Variants in CFAP77 observed in about 807,000 individuals in gnomAD.
The protein encoded by CFAP77 is cilia- and flagella-associated protein 77.
Under a neutral mutation model 31.1 loss-of-function variants are expected in CFAP77, and 25 were observed. That is an observed-to-expected ratio of 0.80 (90% CI 0.59 to 1.12). CFAP77 has a LOEUF of 1.12. CFAP77 is among the 50% of genes most tolerant of loss of function. The probability of loss-of-function intolerance (pLI) is 0.00; values close to 1 mark genes in which losing one functional copy is unlikely to be tolerated. For synonymous variants in CFAP77, 151 were observed against 159.9 expected (o/e 0.94, Z 0.42); for missense variants, 377 against 397.3 (o/e 0.95, Z 0.44).
chr9:132,459,319 C>G (rs1021375050), intron 1 of CFAP77, among the ~76,000 whole-genome samples: 1 of 152,114 alleles, frequency 6.6e-6, no homozygotes, highest in African/African-American at 2.4e-5. Context: ...GATCTGCCCG[C>G]CTTGGTCTCC....
rs1850891944 is a variant in CFAP77 at position 132,455,240 on chromosome 9, C to T, written c.196-43455C>T. ...AAGTGGAACTGGCTGGGTGCTGTGG[C>T]TTACACCTGTAATCCCAGCACTTTG... On this transcript the variant is annotated intron_variant, in intron 1 of 5. Coordinates refer to ENST00000393216, the MANE Select transcript of CFAP77 (RefSeq NM_001282957.2). The surrounding 1 kb of genome is among the most constrained non-coding windows in gnomAD (Gnocchi z 4.1). 6.6e-6 allele frequency among the ~76,000 whole-genome samples: 1 copy of T among 152,144 alleles called. No individual in the cohort carries two copies. The highest frequency in any genetic ancestry group is 2.4e-5 in the African/African-American group (1 of 41,432).
rs542004781 is a variant in CFAP77, at chr9:132,420,451, G to A, written c.195+9985G>A. Among the ~76,000 whole-genome samples, 806 of 150,956 alleles carry A rather than the reference G, an allele frequency of 5.3e-3. 7 individuals carry two copies. The highest frequency in any genetic ancestry group is 0.019 in the African/African-American group (781 of 40,938). ...GCGGATCACTTGAGGCCAGGAGTTC[G>A]AGACCAGCCTGGCCAACATGGTAAA... On this transcript the variant is annotated intron_variant, in intron 1 of 5. Transcript: ENST00000393216.
In CFAP77 at chr9:132,539,604, A is replaced by C. The variant is rs1852604701; in HGVS notation, c.630+1898A>C. On this transcript the variant is annotated intron_variant, in intron 4 of 5. Coordinates refer to ENST00000393216, the MANE Select transcript of CFAP77 (RefSeq NM_001282957.2). The surrounding 1 kb of genome is among the most constrained non-coding windows in gnomAD (Gnocchi z 4.3). ...GTTCTAGGGCCAACCAGGGGATCGG[A>C]GGAGTCTTTCTCGAAATCCTGGTAC... Among the ~76,000 whole-genome samples, 1 of 152,076 alleles carries C rather than the reference A, an allele frequency of 6.6e-6. No homozygotes were observed.
At chr9:132,435,299 C>T (rs1421974290) in intron 1 of CFAP77, among the ~76,000 whole-genome samples, 1 of 152,154 alleles carries the variant, frequency 6.6e-6, no homozygotes, top group Non-Finnish European at 1.5e-5. Context: ...TATTTATTTA[C>T]TGAATGTTGT....
Position 132,484,641 on chromosome 9 carries a change from C to T in CFAP77, c.196-14054C>T, listed in dbSNP as rs76657330. On this transcript the variant is annotated intron_variant, in intron 1 of 5. Transcript: ENST00000393216. Reference sequence around the variant, plus strand: ...GGCTTGGCTTATTCATTCATCAGGACGTGGTGTGGTTTCTGTCTGTTGGCT... The same window carrying T: ...GGCTTGGCTTATTCATTCATCAGGATGTGGTGTGGTTTCTGTCTGTTGGCT... Among the ~76,000 whole-genome samples, 631 of 152,112 alleles carry T rather than the reference C, an allele frequency of 4.1e-3. 7 individuals carry two copies. The highest frequency in any genetic ancestry group is 0.014 in the African/African-American group (584 of 41,490).
At chr9:132,559,324 G>A (rs1210272099) in intron 5 of CFAP77, among the ~76,000 whole-genome samples, 4 of 110,462 alleles carry the variant, frequency 3.6e-5, no homozygotes, top group Admixed American at 9.7e-5. Flanking sequence ...CAGCCTGCGC[G>A]TCAGAGTGAG....
intron 1 of CFAP77, among the ~76,000 whole-genome samples, chr9:132,420,177 T>TGGAAGGAG (rs1850187468): frequency 2.4e-5 from 3 of 124,788 alleles, no homozygotes; most frequent in African/African-American, 9.1e-5. Context: ...AAAAAAAAGG[T>TGGAAGGAG]GGAAGGAGAG....
At chr9:132,570,335 G>A (rs1044534477) in intron 5 of CFAP77, among the ~76,000 whole-genome samples, 1 of 152,318 alleles carries the variant, frequency 6.6e-6, no homozygotes, top group African/African-American at 2.4e-5. Flanking sequence ...TATGCTACGC[G>A]CTCTGACCTG....
In CFAP77 at chr9:132,499,299, C is replaced by A. The variant is rs1489224187; in HGVS notation, c.296-73C>A. 3 of 1,404,126 alleles carry A rather than the reference C, an allele frequency of 2.1e-6. No individual in the cohort carries two copies. The highest frequency in any genetic ancestry group is 1.2e-5 in the South Asian group (1 of 81,648). 87.0% of individuals were successfully genotyped at this position (1,404,126 alleles called of 1,614,324 possible). A position where few individuals can be genotyped will look rare whatever the true frequency, so the allele number is the denominator to read the frequency against. On this transcript the variant is annotated intron_variant, in intron 2 of 5. Coordinates refer to ENST00000393216, the MANE Select transcript of CFAP77 (RefSeq NM_001282957.2). The surrounding 1 kb of genome is among the most constrained non-coding windows in gnomAD (Gnocchi z 5.4). ...GCCGAGGACCCGCGTGCCCCCATTTCTTCTCGATCAGCTGCCTCAGGGTGC... is the reference window on the plus strand; with the variant it reads ...GCCGAGGACCCGCGTGCCCCCATTTATTCTCGATCAGCTGCCTCAGGGTGC...
At position 132,480,061 on chromosome 9, in the gene CFAP77, G is replaced by T. The variant is rs886329383; in HGVS notation, c.196-18634G>T. Among the ~76,000 whole-genome samples the T allele has an allele frequency of 1.1e-4, 17 of 152,180 alleles. No individual in the cohort carries two copies. Among genetic ancestry groups the T allele is most frequent in the Non-Finnish European group, 2.2e-4 (15 of 67,970 alleles). On this transcript the variant is annotated intron_variant, in intron 1 of 5. Coordinates refer to ENST00000393216, the MANE Select transcript of CFAP77 (RefSeq NM_001282957.2). The surrounding 1 kb of genome is among the most constrained non-coding windows in gnomAD (Gnocchi z 5.8). ...CCAGATAGGAAATGGCAGAGCTGGT[G>T]GGGGGGACCCTGAAAATCAACCGGC...
intron 1 of CFAP77, among the ~76,000 whole-genome samples, chr9:132,467,828 T>C (rs1851181474): frequency 6.6e-6 from 1 of 152,172 alleles, no homozygotes; most frequent in African/African-American, 2.4e-5. Flanking sequence ...GCACAAGGGT[T>C]CCAATGTCTC....
intron 5 of CFAP77, among the ~76,000 whole-genome samples, chr9:132,571,287 G>C (rs1829956204): frequency 6.6e-6 from 1 of 152,088 alleles, no homozygotes; most frequent in African/African-American, 2.4e-5. Context: ...CCCTCACAAA[G>C]TTGAGCTCTC....
rs982692376 is a variant in CFAP77, at chr9:132,498,637, A to T, written c.196-58A>T. ...TGGTGCCTCCCTGCTGCCGGATTAC[A>T]ATACATTTGGTCTGAGACTCCACTC... is the stretch of plus-strand genomic sequence containing the variant. On this transcript the variant is annotated intron_variant, in intron 1 of 5. Transcript: ENST00000393216. This position sits in a 1 kb window ranked among gnomAD's most constrained non-coding sequence, Gnocchi z 4.2. 8.3e-6 allele frequency: 11 copies of T among 1,326,688 alleles called. No individual in the cohort carries two copies. Among genetic ancestry groups the T allele is most frequent in the Admixed American group, 5.8e-5 (3 of 52,086 alleles). The allele number at this position is 1,326,688 out of a possible 1,614,324, so 82.2% of individuals were successfully genotyped here.
chr9:132,479,804 A>T (rs975340231), intron 1 of CFAP77, among the ~76,000 whole-genome samples: 1 of 152,186 alleles, frequency 6.6e-6, no homozygotes, highest in Non-Finnish European at 1.5e-5. Context: ...AGAATGGCCT[A>T]CTACGTGAGA....
chr9:132,509,171 G>A (rs370887186), intron 3 of CFAP77, among the ~76,000 whole-genome samples: 2 of 152,330 alleles, frequency 1.3e-5, no homozygotes, highest in South Asian at 2.1e-4. Context: ...GCAGACGCCC[G>A]TCACCTCTAT....
chr9:132,556,611 G>A (rs571686525), intron 5 of CFAP77, among the ~76,000 whole-genome samples: 2 of 151,624 alleles, frequency 1.3e-5, no homozygotes, highest in Admixed American at 6.6e-5. Flanking sequence ...CAGAGGGAGA[G>A]GGGGGTGGCA....
Position 132,536,844 on chromosome 9 carries a change from C to T in CFAP77, c.525-757C>T, listed in dbSNP as rs563814670. Among the ~76,000 whole-genome samples, 17 of 152,256 alleles carry T rather than the reference C, an allele frequency of 1.1e-4. No homozygotes were observed. In the South Asian group the frequency reaches 3.1e-3, roughly 28 times the overall value. On this transcript the variant is annotated intron_variant, in intron 3 of 5. Coordinates refer to ENST00000393216, the MANE Select transcript of CFAP77 (RefSeq NM_001282957.2). ...AGCGGGTCTGCCTTGCGGTGCTTCC[C>T]GTGCTGCTCTGGGATTTTACCCTTC... is the stretch of plus-strand genomic sequence containing the variant.
At chr9:132,528,578 C>A (rs1191468106) in intron 3 of CFAP77, among the ~76,000 whole-genome samples, 1 of 139,878 alleles carries the variant, frequency 7.1e-6, no homozygotes, top group African/African-American at 2.6e-5. Flanking sequence ...CAACCTACAA[C>A]ATGGGAGAAA....
rs944531007 is a variant in CFAP77 at position 132,565,303 on chromosome 9, G to T, written c.733-7085G>T. Among the ~76,000 whole-genome samples, 2 of 151,870 alleles carry T rather than the reference G, an allele frequency of 1.3e-5. No individual in the cohort carries two copies. Among genetic ancestry groups the T allele is most frequent in the Non-Finnish European group, 2.9e-5 (2 of 67,982 alleles). ...GAGAGCCCTTCCTGAGCCCCAGATG[G>T]AGGTAGATTTCCCCAGTCCACAATC... On this transcript the variant is annotated intron_variant, in intron 5 of 5. Coordinates refer to ENST00000393216, the MANE Select transcript of CFAP77 (RefSeq NM_001282957.2). This position sits in a 1 kb window ranked among gnomAD's most constrained non-coding sequence, Gnocchi z 4.1.
Sources: gnomAD v4.1 joint callset for allele counts (sites outside exome capture counted in the v4.1 genomes callset) on GRCh38, gnomAD v4.1.1 for gene constraint, Gnocchi (gnomAD v3.1) non-coding constraint, MANE v1.5 for transcripts, NCBI Gene and HGNC (gene_info 2026-07-23, HGNC 2026-07-21) for gene names.